The following PABPC4L variants were observed in gnomAD, a reference collection of about 807,000 sequenced individuals.
PABPC4L encodes the protein polyadenylate-binding protein 4-like.
For missense variants in PABPC4L, 452 were observed against 451.4 expected, an observed-to-expected ratio of 1.00 and a Z score of -0.01; for synonymous variants, 169 against 164.1, an observed-to-expected ratio of 1.03 and a Z score of -0.23.
chr4:133,975,257 A>T, the PABPC4L span, among the ~76,000 whole-genome samples: 1 of 152,150 alleles, frequency 6.6e-6, no homozygotes, highest in Non-Finnish European at 1.5e-5. Context: ...ATATTGTGTG[A>T]TTCCATTTAC....
At chr4:133,972,099 C>T in the PABPC4L span, among the ~76,000 whole-genome samples, 1 of 152,134 alleles carries the variant, frequency 6.6e-6, no homozygotes, top group Non-Finnish European at 1.5e-5. Context: ...AATTACTGCA[C>T]CTAATTGAAT....
At chr4:134,110,060 CT>C in the PABPC4L span, among the ~76,000 whole-genome samples, 2 of 152,038 alleles carry the variant, frequency 1.3e-5, no homozygotes, top group African/African-American at 4.8e-5. Flanking sequence ...AAACATATCA[CT>C]TGCTTTTCTA....
chr4:134,057,189 T>C, the PABPC4L span, among the ~76,000 whole-genome samples: 3 of 152,096 alleles, frequency 2.0e-5, no homozygotes, highest in Admixed American at 6.6e-5. Flanking sequence ...CCTCTGTGAC[T>C]CCAGTGACAC....
chr4:134,117,819 A>G, the PABPC4L span, among the ~76,000 whole-genome samples: 3 of 151,970 alleles, frequency 2.0e-5, no homozygotes, highest in Non-Finnish European at 2.9e-5. Context: ...AATTGTAGGG[A>G]GAGGCAATGC....
At chr4:134,009,266 T>G in the PABPC4L span, among the ~76,000 whole-genome samples, 4 of 151,980 alleles carry the variant, frequency 2.6e-5, no homozygotes, top group Admixed American at 6.6e-5. Context: ...AAAGAATATT[T>G]TCTGTGAGTT....
At chr4:134,158,511 T>C in the PABPC4L span, among the ~76,000 whole-genome samples, 1 of 152,118 alleles carries the variant, frequency 6.6e-6, no homozygotes, top group African/African-American at 2.4e-5. Flanking sequence ...CTTTTTGTTA[T>C]GCTTTTTCTT....
chr4:134,199,820 G>A lies in PABPC4L; in HGVS notation c.*87C>T. On this transcript the variant is annotated 3_prime_UTR_variant, in exon 2 of 2. Transcript: ENST00000421491. ...ACTAAGCACCCATCATGTGGAATATGAAATTTACTGAGGTCAATTCAGGCA... is the reference window on the plus strand; with the variant it reads ...ACTAAGCACCCATCATGTGGAATATAAAATTTACTGAGGTCAATTCAGGCA... 1 of 1,456,332 alleles carries A rather than the reference G, an allele frequency of 6.9e-7. No homozygotes were observed. The highest frequency in any genetic ancestry group is 9.1e-7 in the Non-Finnish European group (1 of 1,093,610). The allele number at this position is 1,456,332 out of a possible 1,614,324, so 90.2% of individuals were successfully genotyped here.
the PABPC4L span, among the ~76,000 whole-genome samples, chr4:134,122,854 G>A: frequency 6.6e-6 from 1 of 151,318 alleles, no homozygotes; most frequent in Non-Finnish European, 1.5e-5. Flanking sequence ...ATAGTTTAAG[G>A]TGTTTTGTTT....
the PABPC4L span, among the ~76,000 whole-genome samples, chr4:134,154,089 A>G: frequency 6.6e-6 from 1 of 152,052 alleles, no homozygotes; most frequent in Non-Finnish European, 1.5e-5. Context: ...AAGATAATCT[A>G]TCTTATTATC....
At chr4:134,020,204 G>A in the PABPC4L span, among the ~76,000 whole-genome samples, 9 of 152,056 alleles carry the variant, frequency 5.9e-5, no homozygotes, top group Non-Finnish European at 1.0e-4. Context: ...AGAAAGTAAA[G>A]TAGTGAAAGT....
At chr4:134,098,908 G>T in the PABPC4L span, among the ~76,000 whole-genome samples, 1 of 151,648 alleles carries the variant, frequency 6.6e-6, no homozygotes, top group East Asian at 1.9e-4. Flanking sequence ...TGAGAACTGA[G>T]AACTGACTGT....
chr4:134,139,197 C>A, the PABPC4L span, among the ~76,000 whole-genome samples: 1 of 151,964 alleles, frequency 6.6e-6, no homozygotes, highest in East Asian at 1.9e-4. Context: ...AACCTACTTA[C>A]TTTAGATCCC....
chr4:134,001,928 G>T, the PABPC4L span, among the ~76,000 whole-genome samples: 2 of 152,108 alleles, frequency 1.3e-5, no homozygotes, highest in Middle Eastern at 3.4e-3. Flanking sequence ...TAGAGCTAAT[G>T]ATTTCAGAAT....
chr4:134,161,827 CAA>C, the PABPC4L span, among the ~76,000 whole-genome samples: 3 of 151,954 alleles, frequency 2.0e-5, no homozygotes, highest in Non-Finnish European at 4.4e-5. Context: ...ATAGAAAAAA[CAA>C]AAGACAAACC....
At chr4:134,051,166 T>C in the PABPC4L span, among the ~76,000 whole-genome samples, 1 of 152,104 alleles carries the variant, frequency 6.6e-6, no homozygotes, top group Non-Finnish European at 1.5e-5. Flanking sequence ...TAACAGAGTA[T>C]CTTTCATGTG....
the PABPC4L span, among the ~76,000 whole-genome samples, chr4:134,063,973 T>C: frequency 2.0e-4 from 30 of 152,194 alleles, 1 homozygote; most frequent in Admixed American, 5.2e-4. Context: ...AGGACACTCC[T>C]GAAAATTATT....
the PABPC4L span, among the ~76,000 whole-genome samples, chr4:134,027,131 A>C: frequency 2.8e-4 from 43 of 152,194 alleles, no homozygotes; most frequent in South Asian, 6.2e-4. Context: ...AGAATGTTGC[A>C]GAAACAATAC....
the PABPC4L span, among the ~76,000 whole-genome samples, chr4:134,016,466 T>G: frequency 6.6e-6 from 1 of 152,136 alleles, no homozygotes; most frequent in Admixed American, 6.5e-5. Context: ...ATGCCATCGC[T>G]CAGGACAATG....
chr4:134,184,308 C>T, the PABPC4L span, among the ~76,000 whole-genome samples: 1 of 151,906 alleles, frequency 6.6e-6, no homozygotes, highest in Non-Finnish European at 1.5e-5. Context: ...ACACACCACT[C>T]TGACATTTCA....
Sources: allele counts gnomAD v4.1 joint callset (sites outside exome capture counted in the v4.1 genomes callset), GRCh38; gene constraint gnomAD v4.1.1; transcripts MANE v1.5; gene names NCBI Gene and HGNC (gene_info 2026-07-23, HGNC 2026-07-21).